SLC6A4: variants seen among roughly 807,000 people sequenced by gnomAD.
SLC6A4 encodes sodium-dependent serotonin transporter.
A neutral mutation model predicts 73.4 loss-of-function variants in SLC6A4; 22 were observed. The observed-to-expected ratio is 0.30, with a 90% CI of 0.21 to 0.43. The LOEUF is 0.43. Among genes scored for constraint, SLC6A4 ranks in the 20% least tolerant of loss-of-function variants. The probability of loss-of-function intolerance (pLI) is 1.00; values close to 1 mark genes in which losing one functional copy is unlikely to be tolerated. For synonymous variants in SLC6A4, 270 were observed against 315.5 expected (o/e 0.86, Z 1.53); for missense variants, 593 against 808.5 (o/e 0.73, Z 3.23).
At position 30,212,771 on chromosome 17, in the gene SLC6A4, A is replaced by G; in HGVS notation, c.1173T>C (p.Asn391=). Residue 391 remains asparagine, a synonymous_variant, in exon 9 of 15, where the codon AAT becomes AAC. Transcript: ENST00000650711. ...CTTTGGCCACCTCAGACACATCTTC[A>G]TTCCTCATCTCAGCCATGTAACCGA... ...TVLGYMAEMR[N]EDVSEVAKDA... The G allele has an allele frequency of 6.2e-7, 1 of 1,614,210 alleles. No homozygotes were observed. The highest frequency in any genetic ancestry group is 8.5e-7 in the Non-Finnish European group (1 of 1,180,038).
Position 30,211,012 on chromosome 17 carries a change from G to A in SLC6A4, c.1317+300C>T, listed in dbSNP as rs528010101. On this transcript the variant is annotated intron_variant, in intron 10 of 14. Transcript: ENST00000650711. The surrounding 1 kb of genome is among the most constrained non-coding windows in gnomAD (Gnocchi z 4.0). Reference sequence around the variant, plus strand: ...CTTGGCAAAGCAGAGACCCAGGAGAGACCTCGCCCCGGCCTGTAGGCGCCA... The same window carrying A: ...CTTGGCAAAGCAGAGACCCAGGAGAAACCTCGCCCCGGCCTGTAGGCGCCA... Among the ~76,000 whole-genome samples the A allele has an allele frequency of 1.1e-4, 16 of 152,212 alleles. No individual in the cohort carries two copies. The highest frequency in any genetic ancestry group is 2.2e-4 in the Non-Finnish European group (15 of 68,048).
At chr17:30,216,006 C>A in intron 7 of SLC6A4, 76 bp downstream of exon 7, 1 of 1,323,526 alleles carries the variant, frequency 7.6e-7, no homozygotes, top group Non-Finnish European at 1.1e-6. Flanking sequence ...GTTGTCCCTA[C>A]TGTCCTATTT....
intron 10 of SLC6A4, among the ~76,000 whole-genome samples, chr17:30,210,896 G>A (rs1254261521): frequency 1.3e-5 from 2 of 152,088 alleles, no homozygotes; most frequent in Non-Finnish European, 2.9e-5. Context: ...CAATATATGA[G>A]GTCTCTCGGG....
At chr17:30,218,640 C>T (rs995576448) in intron 4 of SLC6A4, among the ~76,000 whole-genome samples, 157 bp downstream of exon 4, 1 of 152,194 alleles carries the variant, frequency 6.6e-6, no homozygotes, top group African/African-American at 2.4e-5. Flanking sequence ...GACAATTTCA[C>T]ACCACTTACG....
chr17:30,197,182 C>T lies in SLC6A4; in HGVS notation c.*1274G>A, dbSNP rs1240498080. ...CAAATTTACTTATCTATATTAAGGG[C>T]CTTATGTGAAATGAAAGGTGATTTA... On this transcript the variant is annotated 3_prime_UTR_variant, in exon 15 of 15. Coordinates refer to ENST00000650711, the MANE Select transcript of SLC6A4 (RefSeq NM_001045.6). The T allele has an allele frequency of 6.6e-6, 1 of 152,244 alleles. No homozygotes were observed. The highest frequency in any genetic ancestry group is 1.5e-5 in the Non-Finnish European group (1 of 68,024). 9.4% of individuals were successfully genotyped at this position (152,244 alleles called of 1,614,324 possible).
intron 8 of SLC6A4, among the ~76,000 whole-genome samples, chr17:30,215,383 G>A (rs946193038): frequency 6.6e-6 from 1 of 152,244 alleles, no homozygotes; most frequent in Admixed American, 6.5e-5. Context: ...CAAAACCGAA[G>A]GGCATGGGGC....
chr17:30,212,948 T>C, intron 8 of SLC6A4, 81 bp from the exon 9 acceptor site: 1 of 1,482,998 alleles, frequency 6.7e-7, no homozygotes, highest in Non-Finnish European at 9.3e-7. Flanking sequence ...GTGCCTGCCC[T>C]GCCTTAGACA....
intron 1 of SLC6A4, among the ~76,000 whole-genome samples, chr17:30,230,045 AAAG>A (rs1189804200): frequency 0.053 from 5,840 of 111,084 alleles, 196 homozygotes; most frequent in Non-Finnish European, 0.075. Flanking sequence ...GAAAAAGAAG[AAAG>A]AAGAAGAAGA....
intron 12 of SLC6A4, 67 bp from the exon 13 acceptor site, chr17:30,207,899 G>A: frequency 8.6e-7 from 1 of 1,157,554 alleles, no homozygotes; most frequent in East Asian, 2.5e-5. Flanking sequence ...GCTGTGCCCT[G>A]ATTCTCTGGG....
chr17:30,230,619 G>A (rs1037426570), intron 1 of SLC6A4, among the ~76,000 whole-genome samples: 1 of 152,162 alleles, frequency 6.6e-6, no homozygotes, highest in African/African-American at 2.4e-5. Context: ...AGGCGGAAGA[G>A]GGAAGTGGGG....
At chr17:30,225,826 A>G (rs1906909154) in intron 1 of SLC6A4, among the ~76,000 whole-genome samples, 1 of 151,574 alleles carries the variant, frequency 6.6e-6, no homozygotes, top group Non-Finnish European at 1.5e-5. Flanking sequence ...CTTTCTCTTA[A>G]CTCTCCTGAA....
chr17:30,203,388 C>T, intron 13 of SLC6A4, 49 bp from the exon 14 acceptor site: 2 of 1,499,100 alleles, frequency 1.3e-6, no homozygotes, highest in South Asian at 1.2e-5. Flanking sequence ...AATATCCACT[C>T]AGATAGAGAT....
chr17:30,211,279 C>G lies in SLC6A4; in HGVS notation c.1317+33G>C, dbSNP rs373384510. On this transcript the variant is annotated intron_variant, in intron 10 of 14. Coordinates refer to ENST00000650711, the MANE Select transcript of SLC6A4 (RefSeq NM_001045.6). The surrounding 1 kb of genome is among the most constrained non-coding windows in gnomAD (Gnocchi z 4.0). Reference sequence around the variant, plus strand: ...GTCCTCCTCCTTTCCTCTTCATCCTCCCACAGCCCATTTCCCCTTCCCATT... The same window carrying G: ...GTCCTCCTCCTTTCCTCTTCATCCTGCCACAGCCCATTTCCCCTTCCCATT... 3.4e-5 allele frequency: 47 copies of G among 1,369,182 alleles called. No homozygotes were observed. Among genetic ancestry groups the G allele is most frequent in the Non-Finnish European group, 4.8e-5 (46 of 959,914 alleles). The allele number at this position is 1,369,182 out of a possible 1,614,324, so 84.8% of individuals were successfully genotyped here. A position where few individuals can be genotyped will look rare whatever the true frequency, so the allele number is the denominator to read the frequency against.
At chr17:30,198,933 C>T (rs1343226054) in intron 14 of SLC6A4, among the ~76,000 whole-genome samples, 2 of 152,146 alleles carry the variant, frequency 1.3e-5, no homozygotes, top group Non-Finnish European at 2.9e-5. Context: ...GGCCCCCATC[C>T]CCTCACCCAG....
chr17:30,223,151 T>C (rs1465624281), intron 1 of SLC6A4, among the ~76,000 whole-genome samples: 2 of 152,236 alleles, frequency 1.3e-5, no homozygotes, highest in African/African-American at 4.8e-5. Flanking sequence ...TAAGCAGCAG[T>C]TGTAAGACTG....
At chr17:30,233,439 C>T (rs539403049) in intron 1 of SLC6A4, among the ~76,000 whole-genome samples, 2 of 152,192 alleles carry the variant, frequency 1.3e-5, no homozygotes, top group Non-Finnish European at 2.9e-5. Flanking sequence ...TGCAAAGCCT[C>T]TGCCTTAGAG....
chr17:30,227,949 T>G (rs935865862), intron 1 of SLC6A4, among the ~76,000 whole-genome samples: 1 of 152,238 alleles, frequency 6.6e-6, no homozygotes, highest in Non-Finnish European at 1.5e-5. Flanking sequence ...CTAGAGGATA[T>G]GCCCCTTGTG....
intron 14 of SLC6A4, among the ~76,000 whole-genome samples, chr17:30,200,580 A>G (rs1906001700): frequency 1.3e-5 from 2 of 152,166 alleles, no homozygotes; most frequent in Non-Finnish European, 2.9e-5. Flanking sequence ...CCAGGGCCCA[A>G]AAGGATTTTA....
At chr17:30,199,189 A>G (rs948476874) in intron 14 of SLC6A4, among the ~76,000 whole-genome samples, 3 of 152,180 alleles carry the variant, frequency 2.0e-5, no homozygotes, top group African/African-American at 7.2e-5. Context: ...CTACTATAGA[A>G]ACAGCTGAGG....
Sources: allele counts gnomAD v4.1 joint callset (sites outside exome capture counted in the v4.1 genomes callset), GRCh38; gene constraint gnomAD v4.1.1; non-coding constraint Gnocchi (gnomAD v3.1); transcripts MANE v1.5; gene names NCBI Gene and HGNC (gene_info 2026-07-23, HGNC 2026-07-21).